HYAL2: variants seen among roughly 807,000 people sequenced by gnomAD.
HYAL2 encodes the protein hyaluronidase-2.
A neutral mutation model predicts 35.4 loss-of-function variants in HYAL2; 30 were observed. The observed-to-expected ratio is 0.85, with a 90% confidence interval of 0.63 to 1.15. The LOEUF (loss-of-function observed/expected upper bound fraction) is 1.15, where lower values mean the gene tolerates loss of function less well. Among genes scored for constraint, HYAL2 ranks in the 50% most tolerant of loss-of-function variants. HYAL2 has a pLI of 0.00. For missense variants in HYAL2, 635 were observed against 646.5 expected, an observed-to-expected ratio of 0.98 and a Z score of 0.19; for synonymous variants, 262 against 252.8, an observed-to-expected ratio of 1.04 and a Z score of -0.34.
rs1553716247 is a variant in HYAL2, at chr3:50,319,818, T to C, written c.672A>G (p.Thr224=). ...HDYVQNWESY[T]GRCPDVEVAR... is the part of the protein sequence containing the mutation. ...CCACCTCAACATCAGGGCAGCGGCC[T>C]GTGTAGCTCTCCCAGTTCTGCACAT... Residue 224 remains threonine, a synonymous_variant, in exon 2 of 4, where the codon ACA becomes ACG. Coordinates refer to ENST00000357750, the MANE Select transcript of HYAL2 (RefSeq NM_003773.5). The C allele has an allele frequency of 6.2e-7, 1 of 1,613,690 alleles. No homozygotes were observed. Among genetic ancestry groups the C allele is most frequent in the Non-Finnish European group, 8.5e-7 (1 of 1,180,018 alleles).
chr3:50,320,644 T>A lies in HYAL2; in HGVS notation c.-46-109A>T, dbSNP rs1272501398. The A allele has an allele frequency of 2.8e-6, 2 of 717,608 alleles. No individual in the cohort carries two copies. The highest frequency in any genetic ancestry group is 4.4e-6 in the Non-Finnish European group (2 of 451,688). The allele number at this position is 717,608 out of a possible 1,614,324, so 44.5% of individuals were successfully genotyped here. On this transcript the variant is annotated intron_variant, in intron 1 of 3. Transcript: ENST00000357750. The surrounding 1 kb of genome is among the most constrained non-coding windows in gnomAD (Gnocchi z 4.8). ...ATGCTGTGTGGGGGCACTGTGCTCA[T>A]GGCTGTAATAGGTTTGAGAGACCAC... is the stretch of plus-strand genomic sequence containing the variant.
chr3:50,319,952 C>G lies in HYAL2; in HGVS notation c.538G>C (p.Glu180Gln). The G allele has an allele frequency of 6.2e-7, 1 of 1,613,648 alleles. No individual in the cohort carries two copies. The highest frequency in any genetic ancestry group is 8.5e-7 in the Non-Finnish European group (1 of 1,180,038). ...RIVKQAQYEF[E>Q]FAAQQFMLET... ...AGCATGAACTGCTGTGCTGCGAACT[C>G]AAACTCATATTGTGCCTGTTTGACT... is the stretch of plus-strand genomic sequence containing the variant. The change falls in exon 2 of 4, where the codon GAG becomes CAG. Residue 180 changes from glutamate to glutamine, a missense_variant. By Grantham distance (29) the Glu-to-Gln change is conservative (BLOSUM62 2). Transcript: ENST00000357750.
rs370937746 is a variant in HYAL2 at position 50,318,474 on chromosome 3, G to A, written c.1077C>T (p.Ser359=). 4.6e-5 allele frequency: 75 copies of A among 1,612,932 alleles called. No homozygotes were observed. Among genetic ancestry groups the A allele is most frequent in the Non-Finnish European group, 5.9e-5 (70 of 1,179,954 alleles). Residue 359 remains serine, a synonymous_variant, in exon 4 of 4, where the codon TCC becomes TCT. Coordinates refer to ENST00000357750, the MANE Select transcript of HYAL2 (RefSeq NM_003773.5). This position sits in a 1 kb window ranked among gnomAD's most constrained non-coding sequence, Gnocchi z 4.5. ...CCCGGCTGCAATATTGGGTGGCCCAGGACACATTGACCACGTAGGGGACCA... is the reference window on the plus strand; with the variant it reads ...CCCGGCTGCAATATTGGGTGGCCCAAGACACATTGACCACGTAGGGGACCA... ...RLLVPYVVNV[S]WATQYCSRAQ... is the part of the protein sequence containing the mutation.
Position 50,319,962 on chromosome 3 carries a change from T to C in HYAL2, c.528A>G (p.Gln176=). The part of the protein sequence containing the change: ...WPPDRIVKQA[Q]YEFEFAAQQF... ...GCTGTGCTGCGAACTCAAACTCATATTGTGCCTGTTTGACTATGCGGTCTG... is the reference window on the plus strand; with the variant it reads ...GCTGTGCTGCGAACTCAAACTCATACTGTGCCTGTTTGACTATGCGGTCTG... Residue 176 remains glutamine (Q), a synonymous_variant, in exon 2 of 4, where the codon CAA becomes CAG. Coordinates refer to ENST00000357750, the MANE Select transcript of HYAL2 (RefSeq NM_003773.5). 6.2e-7 allele frequency: 1 copy of C among 1,613,566 alleles called. No individual in the cohort carries two copies. Among genetic ancestry groups the C allele is most frequent in the Non-Finnish European group, 8.5e-7 (1 of 1,180,032 alleles).
rs1553716133 is a variant in HYAL2 at position 50,319,564 on chromosome 3, C to T, written c.921+5G>A. 4 of 1,606,416 alleles carry T rather than the reference C, an allele frequency of 2.5e-6. No individual in the cohort carries two copies. Among genetic ancestry groups the T allele is most frequent in the Non-Finnish European group, 3.4e-6 (4 of 1,175,146 alleles). ...GAAAAAAGGCAGGGCCCTGGAGACA[C>T]ATACCTCACTAAGCCCCGTGAGCCT... On this transcript the variant is annotated splice_donor_5th_base_variant and intron_variant, in intron 2 of 3. Coordinates refer to ENST00000357750, the MANE Select transcript of HYAL2 (RefSeq NM_003773.5).
chr3:50,320,093 C>A lies in HYAL2; in HGVS notation c.397G>T (p.Asp133Tyr). The stretch of plus-strand genomic sequence containing the variant: ...CACACAGGTCGCCAGTCCTCCCAGT[C>A]GATGACCGCCAGCCCCGCAGACTCC... The part of the protein sequence containing the change: ...TQESAGLAVI[D>Y]WEDWRPVWVR... The change falls in exon 2 of 4, where the codon GAC becomes TAC. Residue 133 changes from aspartate (D) to tyrosine (Y), a missense_variant. Asp to Tyr is a radical substitution (Grantham distance 160). Transcript: ENST00000357750. This position sits in a 1 kb window ranked among gnomAD's most constrained non-coding sequence, Gnocchi z 4.8. 3.1e-6 allele frequency: 5 copies of A among 1,613,716 alleles called. No homozygotes were observed. Among genetic ancestry groups the A allele is most frequent in the Non-Finnish European group, 4.2e-6 (5 of 1,180,052 alleles).
chr3:50,320,522 C>T lies in HYAL2; in HGVS notation c.-33G>A, dbSNP rs1246736131. 3.3e-6 allele frequency: 5 copies of T among 1,494,318 alleles called. No homozygotes were observed. The highest frequency in any genetic ancestry group is 3.6e-6 in the Non-Finnish European group (4 of 1,126,054). The allele number at this position is 1,494,318 out of a possible 1,614,324, so 92.6% of individuals were successfully genotyped here. A position where few individuals can be genotyped will look rare whatever the true frequency, so the allele number is the denominator to read the frequency against. ...GCTGCAGGAGGTGTCACCTGCCTGG[C>T]ACCAGCTCAGGAACTGGAAGAAGGG... On this transcript the variant is annotated 5_prime_UTR_variant, in exon 2 of 4. Transcript: ENST00000357750. This position sits in a 1 kb window ranked among gnomAD's most constrained non-coding sequence, Gnocchi z 4.8.
At position 50,319,569 on chromosome 3, in the gene HYAL2, C is replaced by A; in HGVS notation, c.921G>T (p.Glu307Asp). ...TYSRRLTGLSEMDLISTIGES... is the reference protein window; with the variant it reads ...TYSRRLTGLSDMDLISTIGES... ...AAGGCAGGGCCCTGGAGACACATAC[C>A]TCACTAAGCCCCGTGAGCCTGCGGC... Residue 307 changes from glutamate to aspartate, a missense_variant and splice_region_variant, in exon 2 of 4, where the codon GAG becomes GAT. Coordinates refer to ENST00000357750, the MANE Select transcript of HYAL2 (RefSeq NM_003773.5). 2 of 1,607,508 alleles carry A rather than the reference C, an allele frequency of 1.2e-6. No individual in the cohort carries two copies. Among genetic ancestry groups the A allele is most frequent in the Non-Finnish European group, 1.7e-6 (2 of 1,175,710 alleles).
Position 50,320,626 on chromosome 3 carries a change from G to A in HYAL2, c.-46-91C>T. On this transcript the variant is annotated intron_variant, in intron 1 of 3. Transcript: ENST00000357750. The surrounding 1 kb of genome is among the most constrained non-coding windows in gnomAD (Gnocchi z 4.8). ...TCTATGCTCCCAAAGCCCATGCTGTGTGGGGGCACTGTGCTCATGGCTGTA... is the reference window on the plus strand; with the variant it reads ...TCTATGCTCCCAAAGCCCATGCTGTATGGGGGCACTGTGCTCATGGCTGTA... 2 of 811,554 alleles carry A rather than the reference G, an allele frequency of 2.5e-6. No homozygotes were observed. Among genetic ancestry groups the A allele is most frequent in the Middle Eastern group, 3.7e-4 (1 of 2,676 alleles). 50.3% of individuals were successfully genotyped at this position (811,554 alleles called of 1,614,324 possible).
In HYAL2 at chr3:50,318,111, C is replaced by G; in HGVS notation, c.*18G>C. 1 of 1,536,960 alleles carries G rather than the reference C, an allele frequency of 6.5e-7. No homozygotes were observed. Among genetic ancestry groups the G allele is most frequent in the South Asian group, 1.3e-5 (1 of 78,978 alleles). ...TTGTGGTAGAGGCCAGCTTGCTAGG[C>G]AGCTAGGCAGGAGACCCCTACAAGG... On this transcript the variant is annotated 3_prime_UTR_variant, in exon 4 of 4. Coordinates refer to ENST00000357750, the MANE Select transcript of HYAL2 (RefSeq NM_003773.5). This position sits in a 1 kb window ranked among gnomAD's most constrained non-coding sequence, Gnocchi z 4.5.
intron 1 of HYAL2, chr3:50,321,017 G>T (rs1194287186): frequency 6.6e-6 from 1 of 152,572 alleles, no homozygotes; most frequent in African/African-American, 2.4e-5. Flanking sequence ...TCGCCCGGCA[G>T]AAGAGTGAGG....
chr3:50,321,462 A>AGCGCCTCTGCTGGCTCCGCCCCC (rs1248436906), intron 1 of HYAL2: 1 of 152,020 alleles, frequency 6.6e-6, no homozygotes. Flanking sequence ...GGCCCGGCTC[A>AGCGCCTCTGCTGGCTCCGCCCCC]GCGCCTCTGC....
chr3:50,320,772 G>A lies in HYAL2; in HGVS notation c.-46-237C>T, dbSNP rs1575531893. ...TGTGGCTCGGCACAAATCTCTATTA[G>A]GTCTGTGACCCTTCTAAGAACTAGA... On this transcript the variant is annotated intron_variant, in intron 1 of 3. Transcript: ENST00000357750. The surrounding 1 kb of genome is among the most constrained non-coding windows in gnomAD (Gnocchi z 4.8). 8.8e-6 allele frequency: 4 copies of A among 455,778 alleles called. No homozygotes were observed. Among genetic ancestry groups the A allele is most frequent in the Admixed American group, 3.9e-5 (1 of 25,510 alleles). The allele number at this position is 455,778 out of a possible 1,614,324, so 28.2% of individuals were successfully genotyped here.
In HYAL2 at chr3:50,320,461, G is replaced by T. The variant is rs996909074; in HGVS notation, c.29C>A (p.Thr10Lys). 7 of 1,567,302 alleles carry T rather than the reference G, an allele frequency of 4.5e-6. No homozygotes were observed. In the East Asian group the frequency reaches 1.6e-4, roughly 35 times the overall value. Residue 10 changes from threonine to lysine, a missense_variant, in exon 2 of 4, where the codon ACA becomes AAA. Physicochemically the swap from Thr to Lys is moderately conservative, Grantham distance 78 (BLOSUM62 -1). Transcript: ENST00000357750. The surrounding 1 kb of genome is among the most constrained non-coding windows in gnomAD (Gnocchi z 4.8). ...TGACACCGCCAGCACCAGGGCCAAT[G>T]TAACGGTGGGGCCTGGGCCTGCCCG... MRAGPGPTV[T>K]LALVLAVSWA...
At position 50,320,161 on chromosome 3, in the gene HYAL2, C is replaced by T. The variant is rs782558034; in HGVS notation, c.329G>A (p.Arg110Gln). 6 of 1,613,886 alleles carry T rather than the reference C, an allele frequency of 3.7e-6. No individual in the cohort carries two copies. The highest frequency in any genetic ancestry group is 2.2e-5 in the East Asian group (1 of 44,884). Residue 110 changes from arginine to glutamine, a missense_variant, in exon 2 of 4, where the codon CGG becomes CAG. By Grantham distance (43) the Arg-to-Gln change is conservative. Coordinates refer to ENST00000357750, the MANE Select transcript of HYAL2 (RefSeq NM_003773.5). The surrounding 1 kb of genome is among the most constrained non-coding windows in gnomAD (Gnocchi z 4.8). ...VPQNVSLWAHRKMLQKRVEHY... is the reference protein window; with the variant it reads ...VPQNVSLWAHQKMLQKRVEHY... ...CTCCACACGTTTCTGCAGCATCTTC[C>T]GGTGTGCCCAAAGGCTGACATTCTG...
In HYAL2 at chr3:50,319,920, T is replaced by C. The variant is rs1553716305; in HGVS notation, c.570A>G (p.Thr190=). The part of the protein sequence containing the change: ...EFAAQQFMLE[T]LRYVKAVRPR... ...GCCGCACTGCCTTGACATAACGCAG[T>C]GTCTCCAGCATGAACTGCTGTGCTG... Residue 190 remains threonine, a synonymous_variant, in exon 2 of 4, where the codon ACA becomes ACG. Transcript: ENST00000357750. The C allele has an allele frequency of 1.2e-6, 2 of 1,613,766 alleles. No homozygotes were observed. Among genetic ancestry groups the C allele is most frequent in the Non-Finnish European group, 1.7e-6 (2 of 1,180,044 alleles).
rs1553715981 is a variant in HYAL2 at position 50,318,884 on chromosome 3, G to A, written c.1011+72C>T. 15 of 1,341,010 alleles carry A rather than the reference G, an allele frequency of 1.1e-5. No homozygotes were observed. The highest frequency in any genetic ancestry group is 1.6e-5 in the Non-Finnish European group (15 of 934,288). 83.1% of individuals were successfully genotyped at this position (1,341,010 alleles called of 1,614,324 possible). A position where few individuals can be genotyped will look rare whatever the true frequency, so the allele number is the denominator to read the frequency against. ...GACCAGACTAGGATTGCCCACCTGA[G>A]GTTGGTAGCCAAAGGCCCTAACTCT... On this transcript the variant is annotated intron_variant, in intron 3 of 3. Coordinates refer to ENST00000357750, the MANE Select transcript of HYAL2 (RefSeq NM_003773.5). This position sits in a 1 kb window ranked among gnomAD's most constrained non-coding sequence, Gnocchi z 4.5.
Position 50,318,941 on chromosome 3 carries a change from C to T in HYAL2, c.1011+15G>A. The T allele has an allele frequency of 6.2e-7, 1 of 1,610,470 alleles. No homozygotes were observed. The highest frequency in any genetic ancestry group is 8.5e-7 in the Non-Finnish European group (1 of 1,176,918). On this transcript the variant is annotated intron_variant, in intron 3 of 3. Coordinates refer to ENST00000357750, the MANE Select transcript of HYAL2 (RefSeq NM_003773.5). This position sits in a 1 kb window ranked among gnomAD's most constrained non-coding sequence, Gnocchi z 4.5. Reference sequence around the variant, plus strand: ...GTCCCATAGACTGAGCTCTGGCAGGCTGGGTCTCGCTTACCGTGCTTGTGG... The same window carrying T: ...GTCCCATAGACTGAGCTCTGGCAGGTTGGGTCTCGCTTACCGTGCTTGTGG...
chr3:50,322,586 AGAGG>A lies in HYAL2; in HGVS notation c.-47+63_-47+66del, dbSNP rs1477388395. The stretch of plus-strand genomic sequence containing the variant: ...GCCCCTAACCCTCCCGGGCGCCAGG[AGAGG>A]GAGGGAGTGCAACTGCGAGCGCATC... On this transcript the variant is annotated intron_variant, in intron 1 of 3. Transcript: ENST00000357750. The surrounding 1 kb of genome is among the most constrained non-coding windows in gnomAD (Gnocchi z 5.5). 3.9e-5 allele frequency: 6 copies of A among 152,238 alleles called. No homozygotes were observed. The South Asian group carries it at 1.0e-3, about 26-fold the overall frequency. 9.4% of individuals were successfully genotyped at this position (152,238 alleles called of 1,614,324 possible).
Sources: gnomAD v4.1 joint callset for allele counts on GRCh38, gnomAD v4.1.1 for gene constraint, Gnocchi (gnomAD v3.1) non-coding constraint, MANE v1.5 for transcripts, NCBI Gene and HGNC (gene_info 2026-07-23, HGNC 2026-07-21) for gene names.